Variants in RBM46 observed in about 807,000 individuals in gnomAD.
The protein encoded by RBM46 is probable RNA-binding protein 46.
In RBM46, 12 loss-of-function variants were observed where a neutral mutation model predicts 43.3. That is an observed-to-expected ratio of 0.28 (90% confidence interval 0.18 to 0.45). The LOEUF (loss-of-function observed/expected upper bound fraction) is 0.45, where lower values mean the gene tolerates loss of function less well. Among genes scored for constraint, RBM46 ranks in the 20% least tolerant of loss-of-function variants. The pLI is 1.00. For synonymous variants in RBM46, 205 were observed against 207.6 expected, an observed-to-expected ratio of 0.99 and a Z score of 0.11; for missense variants, 412 against 639.1, an observed-to-expected ratio of 0.64 and a Z score of 3.83.
chr4:154,789,821 G>A (rs1733984298), intron 1 of RBM46, among the ~76,000 whole-genome samples: 1 of 152,070 alleles, frequency 6.6e-6, no homozygotes, highest in Non-Finnish European at 1.5e-5. Flanking sequence ...TTTTTGGTTG[G>A]TAGGCTATTA....
intron 4 of RBM46, among the ~76,000 whole-genome samples, chr4:154,816,215 C>T (rs1170089513): frequency 3.3e-5 from 5 of 152,066 alleles, no homozygotes; most frequent in African/African-American, 1.2e-4. Flanking sequence ...TGACTTTTCT[C>T]AGCCCTTGAG....
intron 1 of RBM46, among the ~76,000 whole-genome samples, chr4:154,791,830 C>G (rs558618859): frequency 8.5e-5 from 13 of 152,210 alleles, no homozygotes; most frequent in Non-Finnish European, 1.2e-4. Context: ...TCTTATAAAT[C>G]TGAAATTACT....
At chr4:154,785,898 A>G (rs987232693) in intron 1 of RBM46, among the ~76,000 whole-genome samples, 3 of 152,158 alleles carry the variant, frequency 2.0e-5, no homozygotes, top group Non-Finnish European at 4.4e-5. Flanking sequence ...GAGGTCATCT[A>G]AGGTCCACTT....
At chr4:154,827,689 T>G in intron 4 of RBM46, 179 bp from the exon 5 acceptor site, 3 of 1,418,514 alleles carry the variant, frequency 2.1e-6, no homozygotes. Flanking sequence ...GACAAAACTC[T>G]CAGGATTTGC....
intron 4 of RBM46, among the ~76,000 whole-genome samples, chr4:154,810,930 T>C (rs1239548657): frequency 1.3e-5 from 2 of 152,226 alleles, no homozygotes; most frequent in African/African-American, 2.4e-5. Flanking sequence ...AGGCTTCTCA[T>C]GTTTAGTTTA....
chr4:154,783,040 T>C (rs1231198706), intron 1 of RBM46, among the ~76,000 whole-genome samples: 1 of 152,236 alleles, frequency 6.6e-6, no homozygotes, highest in African/African-American at 2.4e-5. Context: ...AATAATAGAC[T>C]TGTTTTCAGG....
chr4:154,826,743 T>A, intron 4 of RBM46: 1 of 707,594 alleles, frequency 1.4e-6, no homozygotes, highest in African/African-American at 2.1e-5. Flanking sequence ...TTTTTCCTTT[T>A]TTTTTTTTTT....
At chr4:154,793,610 G>A (rs924906607) in intron 1 of RBM46, among the ~76,000 whole-genome samples, 5 of 152,192 alleles carry the variant, frequency 3.3e-5, no homozygotes, top group African/African-American at 1.2e-4. Context: ...CTGCCCTCAT[G>A]CAGCCCAGAG....
intron 4 of RBM46, among the ~76,000 whole-genome samples, chr4:154,810,612 A>G (rs965193325): frequency 9.2e-5 from 14 of 152,198 alleles, no homozygotes; most frequent in African/African-American, 2.9e-4. Flanking sequence ...ATGGCTTAAT[A>G]TAAGTCAGAA....
intron 4 of RBM46, among the ~76,000 whole-genome samples, chr4:154,804,097 C>A (rs1734787239): frequency 6.6e-6 from 1 of 152,164 alleles, no homozygotes; most frequent in African/African-American, 2.4e-5. Flanking sequence ...TTCCTTGAGG[C>A]CTTCCCAGTA....
chr4:154,812,017 CT>C (rs76513488), intron 4 of RBM46, among the ~76,000 whole-genome samples: 1,390 of 133,042 alleles, frequency 0.01, 10 homozygotes, highest in Middle Eastern at 0.027. Flanking sequence ...CACTTCTTTA[CT>C]TTTTTTTTTT....
intron 3 of RBM46, 53 bp from the exon 4 acceptor site, chr4:154,798,729 T>C: frequency 7.7e-7 from 1 of 1,292,482 alleles, no homozygotes; most frequent in South Asian, 2.0e-5. Context: ...TGAACATCTT[T>C]ACCTTTTATT....
chr4:154,799,949 T>G (rs769038803), intron 4 of RBM46, among the ~76,000 whole-genome samples: 61 of 152,060 alleles, frequency 4.0e-4, no homozygotes, highest in Admixed American at 1.0e-3. Flanking sequence ...TTTTTTGTAT[T>G]TTTAGTAGAG....
chr4:154,814,532 A>G (rs1256929992), intron 4 of RBM46, among the ~76,000 whole-genome samples: 1 of 152,026 alleles, frequency 6.6e-6, no homozygotes, highest in African/African-American at 2.4e-5. Context: ...TAATTCTTAT[A>G]CATTGGTAAT....
At chr4:154,786,547 T>A (rs572233248) in intron 1 of RBM46, among the ~76,000 whole-genome samples, 1 of 152,156 alleles carries the variant, frequency 6.6e-6, no homozygotes, top group African/African-American at 2.4e-5. Context: ...ACATAAGACT[T>A]TTCCCTTGAT....
chr4:154,824,704 G>A (rs532058378), intron 4 of RBM46, among the ~76,000 whole-genome samples: 22 of 152,124 alleles, frequency 1.4e-4, no homozygotes, highest in African/African-American at 5.3e-4. Flanking sequence ...TTGTATAGAG[G>A]CCGCCTCTTT....
intron 1 of RBM46, chr4:154,790,295 C>G (rs1381957450): frequency 6.6e-6 from 1 of 152,128 alleles, no homozygotes; most frequent in South Asian, 2.1e-4. Context: ...CCTGCTTTCT[C>G]TTGTGGGCAT....
chr4:154,807,337 C>A (rs192788960), intron 4 of RBM46, among the ~76,000 whole-genome samples: 506 of 151,460 alleles, frequency 3.3e-3, no homozygotes, highest in Middle Eastern at 0.01. Flanking sequence ...TTTGTCTTAC[C>A]TTTCTTTTTT....
At chr4:154,825,800 T>G (rs1415300204) in intron 4 of RBM46, among the ~76,000 whole-genome samples, 1 of 152,172 alleles carries the variant, frequency 6.6e-6, no homozygotes, top group Non-Finnish European at 1.5e-5. Context: ...ATGAATAGGC[T>G]GCATTACCTG....
Sources: gnomAD v4.1 joint callset for allele counts (sites outside exome capture counted in the v4.1 genomes callset) on GRCh38, gnomAD v4.1.1 for gene constraint, MANE v1.5 for transcripts, NCBI Gene and HGNC (gene_info 2026-07-23, HGNC 2026-07-21) for gene names.